Variants in UBE2E3 observed in about 807,000 individuals in gnomAD.
UBE2E3 encodes the protein ubiquitin conjugating enzyme E2 E3, also known as ubiquitin-conjugating enzyme E2 E3.
In UBE2E3, 5 loss-of-function variants were observed where a neutral mutation model predicts 23.6. That is an observed-to-expected ratio of 0.21 (90% CI 0.11 to 0.44). The LOEUF (loss-of-function observed/expected upper bound fraction) is 0.44, where lower values mean the gene tolerates loss of function less well. Ranked by LOEUF, UBE2E3 falls within the 20% of genes least tolerant of loss-of-function variation. The probability of loss-of-function intolerance (pLI) is 0.99; values close to 1 mark genes in which losing one functional copy is unlikely to be tolerated. For missense variants in UBE2E3, 81 were observed against 249.8 expected, an observed-to-expected ratio of 0.32 and a Z score of 4.55; for synonymous variants, 78 against 87.5, an observed-to-expected ratio of 0.89 and a Z score of 0.60.
chr2:181,057,537 T>C (rs947058981), intron 3 of UBE2E3, among the ~76,000 whole-genome samples, 156 bp from the exon 4 acceptor site: 1 of 151,848 alleles, frequency 6.6e-6, no homozygotes, highest in Non-Finnish European at 1.5e-5. Context: ...CATACACACA[T>C]GCACATGCAA....
intron 3 of UBE2E3, among the ~76,000 whole-genome samples, chr2:181,012,183 C>T (rs900570331): frequency 5.9e-5 from 9 of 152,102 alleles, no homozygotes; most frequent in South Asian, 2.1e-4. Flanking sequence ...ATGTTCCTTT[C>T]TTGCGTCAAC....
chr2:180,981,072 C>T (rs916871911), intron 1 of UBE2E3, 99 bp downstream of exon 1: 4 of 146,486 alleles, frequency 2.7e-5, no homozygotes, highest in African/African-American at 4.9e-5. Context: ...GCGCCGGGCG[C>T]CCGCGTCGCC....
intron 2 of UBE2E3, among the ~76,000 whole-genome samples, chr2:180,982,445 C>G (rs937097093): frequency 6.6e-6 from 1 of 152,170 alleles, no homozygotes; most frequent in Admixed American, 6.5e-5. Flanking sequence ...TTCTGTACTT[C>G]GGTAACTTCA....
intron 3 of UBE2E3, among the ~76,000 whole-genome samples, chr2:181,005,204 C>T (rs534043686): frequency 5.3e-5 from 8 of 152,262 alleles, no homozygotes; most frequent in South Asian, 4.1e-4. Flanking sequence ...GCTTTCCTTC[C>T]TCTTAGTTGA....
intron 3 of UBE2E3, among the ~76,000 whole-genome samples, chr2:181,046,445 A>G (rs913212986): frequency 7.2e-5 from 11 of 152,178 alleles, no homozygotes; most frequent in Non-Finnish European, 1.0e-4. Flanking sequence ...TTTAAGCCTC[A>G]TGATAAACTG....
chr2:181,038,537 G>C (rs1686372806), intron 3 of UBE2E3, among the ~76,000 whole-genome samples: 1 of 152,144 alleles, frequency 6.6e-6, no homozygotes, highest in Non-Finnish European at 1.5e-5. Context: ...TAATGTAAGA[G>C]CAAAATTTTA....
At position 180,980,795 on chromosome 2, in the gene UBE2E3, A is replaced by G. The variant is rs1482734344; in HGVS notation, c.-204A>G. On this transcript the variant is annotated 5_prime_UTR_variant, in exon 1 of 6. Transcript: ENST00000410062. The surrounding 1 kb of genome is among the most constrained non-coding windows in gnomAD (Gnocchi z 5.5). ...CCCTCCGGCCGGAGCCCGGCACTGCACAACCCCCTCCGACTTTCAATGTTC... is the reference window on the plus strand; with the variant it reads ...CCCTCCGGCCGGAGCCCGGCACTGCGCAACCCCCTCCGACTTTCAATGTTC... 1 of 147,866 alleles carries G rather than the reference A, an allele frequency of 6.8e-6. No individual in the cohort carries two copies. Among genetic ancestry groups the G allele is most frequent in the Non-Finnish European group, 1.5e-5 (1 of 66,574 alleles). The allele number at this position is 147,866 out of a possible 1,614,324, so 9.2% of individuals were successfully genotyped here.
chr2:181,009,949 C>T (rs1685269424), intron 3 of UBE2E3, among the ~76,000 whole-genome samples: 1 of 151,896 alleles, frequency 6.6e-6, no homozygotes, highest in Non-Finnish European at 1.5e-5. Context: ...TTTTACTCTT[C>T]ATTTATTCTT....
intron 3 of UBE2E3, among the ~76,000 whole-genome samples, chr2:181,057,364 G>A (rs754574235): frequency 2.7e-4 from 41 of 151,702 alleles, no homozygotes; most frequent in Admixed American, 1.4e-3. Context: ...AAAAAAGTAT[G>A]TCTCTATGCA....
Position 181,028,875 on chromosome 2 carries a change from T to G in UBE2E3, c.246-28818T>G, listed in dbSNP as rs950033881. Reference sequence around the variant, plus strand: ...AACTGAATTTAAATGGTAGTTAAATTTATCAGTCTCTTATATGATTAGCAC... The same window carrying G: ...AACTGAATTTAAATGGTAGTTAAATGTATCAGTCTCTTATATGATTAGCAC... On this transcript the variant is annotated intron_variant, in intron 3 of 5. Coordinates refer to ENST00000410062, the MANE Select transcript of UBE2E3 (RefSeq NM_006357.4). Among the ~76,000 whole-genome samples, 3 of 152,164 alleles carry G rather than the reference T, an allele frequency of 2.0e-5. No individual in the cohort carries two copies. In the East Asian group the frequency reaches 5.8e-4, roughly 29 times the overall value.
At chr2:180,981,960 T>C in intron 1 of UBE2E3, 58 bp from the exon 2 acceptor site, 5 of 1,271,572 alleles carry the variant, frequency 3.9e-6, no homozygotes, top group Non-Finnish European at 4.4e-6. Context: ...GAAAATGCTG[T>C]TGGTTTATTT....
intron 3 of UBE2E3, among the ~76,000 whole-genome samples, chr2:181,007,429 T>G (rs536191980): frequency 6.6e-6 from 1 of 152,048 alleles, no homozygotes; most frequent in Non-Finnish European, 1.5e-5. Context: ...TTTATAAATA[T>G]AAGAGAGTAG....
At position 181,002,143 on chromosome 2, in the gene UBE2E3, A is replaced by G. The variant is rs571993012; in HGVS notation, c.245+18050A>G. On this transcript the variant is annotated intron_variant, in intron 3 of 5. Transcript: ENST00000410062. ...AAATGAAATAGTAGGGATGAGGTTG[A>G]CTTTATGGCTGGCCTACTGATCACA... is the stretch of plus-strand genomic sequence containing the variant. Among the ~76,000 whole-genome samples, 4 of 152,226 alleles carry G rather than the reference A, an allele frequency of 2.6e-5. No homozygotes were observed. In the South Asian group the frequency reaches 6.2e-4, roughly 24 times the overall value.
chr2:181,045,721 C>G (rs1485908384), intron 3 of UBE2E3, among the ~76,000 whole-genome samples: 1 of 152,102 alleles, frequency 6.6e-6, no homozygotes, highest in Non-Finnish European at 1.5e-5. Context: ...GATGTAGTAA[C>G]CACATCAATT....
intron 3 of UBE2E3, among the ~76,000 whole-genome samples, chr2:181,037,053 A>G (rs1337099360): frequency 2.6e-5 from 4 of 152,194 alleles, no homozygotes; most frequent in African/African-American, 4.8e-5. Flanking sequence ...CAGTCCTCAT[A>G]TATAATGGTG....
intron 2 of UBE2E3, 165 bp from the exon 3 acceptor site, chr2:180,983,878 A>G (rs924692238): frequency 2.1e-6 from 1 of 483,112 alleles, no homozygotes; most frequent in Non-Finnish European, 3.7e-6. Context: ...CTGTTAAGGG[A>G]TTTGGGTTAT....
chr2:180,986,475 TG>T (rs1466766480), intron 3 of UBE2E3, among the ~76,000 whole-genome samples: 1 of 152,138 alleles, frequency 6.6e-6, no homozygotes, highest in African/African-American at 2.4e-5. Context: ...AGCCTGAATT[TG>T]TATTGTATTT....
chr2:180,995,048 G>GT (rs1684783922), intron 3 of UBE2E3, among the ~76,000 whole-genome samples: 1 of 152,160 alleles, frequency 6.6e-6, no homozygotes, highest in African/African-American at 2.4e-5. Context: ...AGTGTTGCAA[G>GT]TATCTTCTTA....
At chr2:181,002,061 G>A (rs952948384) in intron 3 of UBE2E3, among the ~76,000 whole-genome samples, 28 of 152,146 alleles carry the variant, frequency 1.8e-4, no homozygotes, top group African/African-American at 6.8e-4. Context: ...TATCATAGAA[G>A]CCTAGTTGGC....
Sources: gnomAD v4.1 joint callset for allele counts (sites outside exome capture counted in the v4.1 genomes callset) on GRCh38, gnomAD v4.1.1 for gene constraint, Gnocchi (gnomAD v3.1) non-coding constraint, MANE v1.5 for transcripts, NCBI Gene and HGNC (gene_info 2026-07-23, HGNC 2026-07-21) for gene names.